The following TJP1 variants were observed in gnomAD, a reference collection of about 807,000 sequenced individuals.
The protein encoded by TJP1 is tight junction protein 1.
A neutral mutation model predicts 194.2 loss-of-function variants in TJP1; 43 were observed. That is an observed-to-expected ratio of 0.22 (90% CI 0.17 to 0.29). The LOEUF (loss-of-function observed/expected upper bound fraction) is 0.29. Ranked by LOEUF, TJP1 falls within the 10% of genes least tolerant of loss-of-function variation. TJP1 has a pLI of 1.00. For synonymous variants in TJP1, 801 were observed against 779.0 expected (o/e 1.03, Z -0.47); for missense variants, 1,971 against 2,185.7 (o/e 0.90, Z 1.96).
At chr15:29,760,352 C>A in intron 8 of TJP1, 1 of 667,266 alleles carries the variant, frequency 1.5e-6, no homozygotes, top group Non-Finnish European at 2.7e-6. Context: ...TACCAGTATA[C>A]CAGAACCTTT....
At chr15:29,964,203 A>G (rs2056257230) in intron 1 of TJP1, among the ~76,000 whole-genome samples, 1 of 152,146 alleles carries the variant, frequency 6.6e-6, no homozygotes, top group Non-Finnish European at 1.5e-5. Context: ...AAATCCAATG[A>G]CAAGTGTCCT....
At chr15:29,795,723 A>T (rs994539681) in intron 2 of TJP1, among the ~76,000 whole-genome samples, 5 of 151,960 alleles carry the variant, frequency 3.3e-5, no homozygotes, top group Admixed American at 1.3e-4. Flanking sequence ...AAACAATGTT[A>T]AAAAAAAGTA....
At chr15:29,787,895 C>G (rs2047801962) in intron 2 of TJP1, among the ~76,000 whole-genome samples, 1 of 152,288 alleles carries the variant, frequency 6.6e-6, no homozygotes, top group South Asian at 2.1e-4. Context: ...AATTCTCAAA[C>G]TGTTTTCTAC....
At chr15:29,712,608 A>G (rs193250834) in intron 23 of TJP1, among the ~76,000 whole-genome samples, 1 of 152,238 alleles carries the variant, frequency 6.6e-6, no homozygotes, top group Non-Finnish European at 1.5e-5. Flanking sequence ...ATAAAACACA[A>G]TCACTTAGTT....
At chr15:29,741,102 G>C (rs1250476142) in intron 10 of TJP1, 1 of 337,572 alleles carries the variant, frequency 3.0e-6, no homozygotes, top group Non-Finnish European at 5.3e-6. Context: ...TTAAAAGCTA[G>C]GCAGGAGACA....
chr15:29,806,689 G>C (rs943937726), intron 1 of TJP1, among the ~76,000 whole-genome samples: 2 of 152,164 alleles, frequency 1.3e-5, no homozygotes, highest in African/African-American at 4.8e-5. Context: ...AGAAGGACAA[G>C]GTAGGTTTCA....
At chr15:29,804,858 C>T (rs2049016362) in intron 1 of TJP1, among the ~76,000 whole-genome samples, 1 of 152,224 alleles carries the variant, frequency 6.6e-6, no homozygotes, top group Admixed American at 6.5e-5. Context: ...TCCCTAGTAA[C>T]TCAGACAGAT....
intron 2 of TJP1, among the ~76,000 whole-genome samples, chr15:29,920,016 C>T (rs1415808974): frequency 1.3e-5 from 2 of 152,168 alleles, no homozygotes; most frequent in East Asian, 3.8e-4. Context: ...TAGGCAGACA[C>T]AACATCTGAC....
In TJP1 at chr15:29,718,389, G is replaced by C; in HGVS notation, c.3753C>G (p.Thr1251=). ...TKPLPPPPTQ[T]EEEEDPAMKP... ...TCATTGCTGGATCTTCCTCTTCTTCGGTTTGAGTTGGGGGTGGAGGCAGTG... is the reference window on the plus strand; with the variant it reads ...TCATTGCTGGATCTTCCTCTTCTTCCGTTTGAGTTGGGGGTGGAGGCAGTG... Residue 1251 remains threonine (T), a synonymous_variant, in exon 21 of 28, where the codon ACC becomes ACG. Transcript: ENST00000614355. 2 of 1,614,026 alleles carry C rather than the reference G, an allele frequency of 1.2e-6. No individual in the cohort carries two copies. The highest frequency in any genetic ancestry group is 1.3e-5 in the African/African-American group (1 of 74,980).
chr15:29,796,976 A>C (rs1379166653), intron 2 of TJP1, among the ~76,000 whole-genome samples: 18 of 147,404 alleles, frequency 1.2e-4, no homozygotes. Flanking sequence ...AAAAAAAAAA[A>C]TCTCTCTGCC....
At chr15:29,761,529 G>A in intron 7 of TJP1, 72 bp downstream of exon 7, 1 of 1,497,284 alleles carries the variant, frequency 6.7e-7, no homozygotes, top group South Asian at 1.4e-5. Context: ...TTCATTCAAA[G>A]ATGTTCAATC....
At chr15:29,951,579 C>G (rs757130286) in intron 2 of TJP1, among the ~76,000 whole-genome samples, 20 of 152,080 alleles carry the variant, frequency 1.3e-4, no homozygotes, top group Non-Finnish European at 2.4e-4. Flanking sequence ...GATTTATTAA[C>G]CCAAAAATGT....
intron 25 of TJP1, among the ~76,000 whole-genome samples, chr15:29,706,501 C>CA (rs2041908925): frequency 6.6e-6 from 1 of 151,934 alleles, no homozygotes; most frequent in African/African-American, 2.4e-5. Flanking sequence ...GGCAATATTC[C>CA]AAAATCCAAA....
intron 2 of TJP1, among the ~76,000 whole-genome samples, chr15:29,877,507 C>T (rs983694131): frequency 2.6e-5 from 4 of 152,200 alleles, no homozygotes; most frequent in Non-Finnish European, 5.9e-5. Flanking sequence ...AAGCATGAGC[C>T]ACCACACCTG....
At chr15:29,855,764 G>A (rs1398621030) in intron 2 of TJP1, among the ~76,000 whole-genome samples, 1 of 151,922 alleles carries the variant, frequency 6.6e-6, no homozygotes, top group African/African-American at 2.4e-5. Context: ...GCTGAGGCAC[G>A]AGAATCGCTT....
intron 15 of TJP1, chr15:29,728,268 T>C (rs1366180679): frequency 2.6e-6 from 1 of 386,722 alleles, no homozygotes; most frequent in Non-Finnish European, 4.6e-6. Flanking sequence ...TATACAGGAA[T>C]GCACATTTTT....
At chr15:29,877,065 A>T (rs181805036) in intron 2 of TJP1, among the ~76,000 whole-genome samples, 3 of 152,318 alleles carry the variant, frequency 2.0e-5, no homozygotes, top group African/African-American at 7.2e-5. Context: ...TGCTTCTCTG[A>T]TAGGGCAGGA....
intron 2 of TJP1, among the ~76,000 whole-genome samples, chr15:29,905,651 A>T (rs2053783483): frequency 6.6e-6 from 1 of 152,270 alleles, no homozygotes; most frequent in Non-Finnish European, 1.5e-5. Context: ...ACTGTGGTAC[A>T]TTTATTTACC....
At position 29,706,575 on chromosome 15, in the gene TJP1, C is replaced by G. The variant is rs571963281; in HGVS notation, c.4851-830G>C. 9.2e-5 allele frequency among the ~76,000 whole-genome samples: 14 copies of G among 152,282 alleles called. 1 individual carries two copies. The South Asian group carries it at 2.9e-3, about 32-fold the overall frequency. ...TTGGACAAGGGATACTAAACAGGTA[C>G]AGAGTTTTATGAAGCACATTTTAAA... On this transcript the variant is annotated intron_variant, in intron 25 of 27. Coordinates refer to ENST00000614355, the MANE Select transcript of TJP1 (RefSeq NM_001330239.4).
Sources: allele counts gnomAD v4.1 joint callset (sites outside exome capture counted in the v4.1 genomes callset), GRCh38; gene constraint gnomAD v4.1.1; transcripts MANE v1.5; gene names NCBI Gene and HGNC (gene_info 2026-07-23, HGNC 2026-07-21).